The following NEGR1 variants were observed in gnomAD, a reference collection of about 807,000 sequenced individuals.
NEGR1 encodes neuronal growth regulator 1, also known as IgLON family member 4.
In NEGR1, 10 loss-of-function variants were observed where a neutral mutation model predicts 40.9. That is an observed-to-expected ratio of 0.24 (90% confidence interval 0.15 to 0.42). NEGR1 has a LOEUF of 0.42. Ranked by LOEUF, NEGR1 falls within the 10% of genes least tolerant of loss-of-function variation. NEGR1 has a pLI of 1.00. For missense variants in NEGR1, 352 were observed against 438.9 expected (o/e 0.80, Z 1.77); for synonymous variants, 185 against 166.8 (o/e 1.11, Z -0.84).
At chr1:72,182,904 A>G (rs1652438338) in intron 1 of NEGR1, among the ~76,000 whole-genome samples, 1 of 151,900 alleles carries the variant, frequency 6.6e-6, no homozygotes, top group Non-Finnish European at 1.5e-5. Context: ...GACACTTCAT[A>G]TTTTCCTTAA....
intron 6 of NEGR1, among the ~76,000 whole-genome samples, chr1:71,485,005 G>GT (rs540789063): frequency 1.3e-5 from 2 of 151,698 alleles, no homozygotes; most frequent in South Asian, 2.1e-4. Context: ...ATAATTTGAG[G>GT]TTTTTTTGGC....
chr1:71,924,544 G>A (rs1645753067), intron 2 of NEGR1, among the ~76,000 whole-genome samples: 1 of 152,148 alleles, frequency 6.6e-6, no homozygotes, highest in South Asian at 2.1e-4. Context: ...CCACCCATTT[G>A]TTCAAGTCAA....
At chr1:71,693,088 T>C (rs559789382) in intron 4 of NEGR1, among the ~76,000 whole-genome samples, 1 of 151,844 alleles carries the variant, frequency 6.6e-6, no homozygotes, top group Non-Finnish European at 1.5e-5. Context: ...ATCAGGGCAA[T>C]TATTAAATGT....
intron 4 of NEGR1, among the ~76,000 whole-genome samples, chr1:71,660,364 T>G (rs1436543649): frequency 1.3e-5 from 2 of 152,106 alleles, no homozygotes; most frequent in African/African-American, 4.8e-5. Context: ...GCAGAAAAGA[T>G]AGCTATTGGA....
At chr1:72,145,855 C>T (rs1486889299) in intron 1 of NEGR1, among the ~76,000 whole-genome samples, 1 of 152,024 alleles carries the variant, frequency 6.6e-6, no homozygotes, top group African/African-American at 2.4e-5. Flanking sequence ...ATTGACACTC[C>T]AATTAGGGCT....
At chr1:72,202,523 C>T (rs1321307061) in intron 1 of NEGR1, among the ~76,000 whole-genome samples, 1 of 151,954 alleles carries the variant, frequency 6.6e-6, no homozygotes, top group Non-Finnish European at 1.5e-5. Context: ...AAAATGCTAG[C>T]TCACTGAACA....
chr1:71,733,273 G>T (rs1654946988), intron 3 of NEGR1, among the ~76,000 whole-genome samples: 1 of 152,096 alleles, frequency 6.6e-6, no homozygotes, highest in Non-Finnish European at 1.5e-5. Context: ...TTACAGAAAT[G>T]ATAAGAATCA....
chr1:72,185,976 G>A (rs1652598785), intron 1 of NEGR1, among the ~76,000 whole-genome samples: 2 of 151,738 alleles, frequency 1.3e-5, no homozygotes, highest in South Asian at 4.1e-4. Flanking sequence ...GTAATTTACT[G>A]TGAAATATAG....
chr1:71,547,819 C>T (rs1045502884), intron 6 of NEGR1, among the ~76,000 whole-genome samples: 25 of 151,782 alleles, frequency 1.6e-4, no homozygotes, highest in Middle Eastern at 3.4e-3. Context: ...GTACTGGGAT[C>T]GGTGTATCTG....
At chr1:71,419,504 T>C (rs1646379186) in intron 6 of NEGR1, among the ~76,000 whole-genome samples, 1 of 152,188 alleles carries the variant, frequency 6.6e-6, no homozygotes, top group African/African-American at 2.4e-5. Context: ...ATACTCTTAA[T>C]AACAACAACA....
chr1:72,270,986 G>A (rs1312036166), intron 1 of NEGR1, among the ~76,000 whole-genome samples: 1 of 151,844 alleles, frequency 6.6e-6, no homozygotes, highest in Non-Finnish European at 1.5e-5. Flanking sequence ...GTTATGTACT[G>A]TTAGCATTTT....
rs1230569106 is a variant in NEGR1, at chr1:71,987,176, C to T, written c.177-51865G>A. ...CACACTAGAATTCCTAAAGAGTTAA[C>T]GTCCAATTCCCTCCCAGAATTGCTT... On this transcript the variant is annotated intron_variant, in intron 1 of 6. Transcript: ENST00000357731. Among the ~76,000 whole-genome samples, 4 of 152,104 alleles carry T rather than the reference C, an allele frequency of 2.6e-5. No homozygotes were observed. The East Asian group carries it at 5.8e-4, about 22-fold the overall frequency.
intron 1 of NEGR1, among the ~76,000 whole-genome samples, chr1:72,004,578 C>G (rs1646589360): frequency 6.6e-6 from 1 of 152,158 alleles, no homozygotes; most frequent in East Asian, 1.9e-4. Flanking sequence ...ACAACTGTAC[C>G]TGGCCTAGAA....
At chr1:71,833,647 C>T (rs141824900) in intron 2 of NEGR1, among the ~76,000 whole-genome samples, 23 of 152,188 alleles carry the variant, frequency 1.5e-4, no homozygotes, top group African/African-American at 5.1e-4. Flanking sequence ...CTGGGTCAGT[C>T]TTTCAGCACT....
At chr1:71,754,671 G>A (rs1434049718) in intron 3 of NEGR1, among the ~76,000 whole-genome samples, 1 of 150,786 alleles carries the variant, frequency 6.6e-6, no homozygotes, top group Non-Finnish European at 1.5e-5. Context: ...ATTCAATCTG[G>A]CTCCAGTTCC....
chr1:71,527,007 C>A (rs902804570), intron 6 of NEGR1, among the ~76,000 whole-genome samples: 1 of 151,514 alleles, frequency 6.6e-6, no homozygotes, highest in African/African-American at 2.4e-5. Flanking sequence ...ATGGCTTTTG[C>A]CTAAACTAAC....
At chr1:71,786,429 G>C (rs909877914) in intron 2 of NEGR1, among the ~76,000 whole-genome samples, 1 of 152,152 alleles carries the variant, frequency 6.6e-6, no homozygotes, top group Non-Finnish European at 1.5e-5. Context: ...CTGTGCTCTA[G>C]AAAGGGAGTG....
chr1:71,434,133 T>G (rs1408644001), intron 6 of NEGR1, among the ~76,000 whole-genome samples: 11 of 152,168 alleles, frequency 7.2e-5, no homozygotes. Context: ...TTTGGAGATT[T>G]GCAACAGTTT....
At chr1:71,767,050 G>A (rs973272575) in intron 3 of NEGR1, among the ~76,000 whole-genome samples, 9 of 152,122 alleles carry the variant, frequency 5.9e-5, no homozygotes, top group South Asian at 4.1e-4. Context: ...ATGCAGTCTC[G>A]GGTATTTCTT....
Sources: allele counts gnomAD v4.1 joint callset (sites outside exome capture counted in the v4.1 genomes callset), GRCh38; gene constraint gnomAD v4.1.1; transcripts MANE v1.5; gene names NCBI Gene and HGNC (gene_info 2026-07-23, HGNC 2026-07-21).